The following CDC40 variants were observed in gnomAD, a reference collection of about 807,000 sequenced individuals.
CDC40 encodes the protein pre-mRNA-processing factor 17.
CDC40 carries 27 observed loss-of-function variants against 80.6 expected under a neutral mutation model. The ratio of observed to expected loss-of-function variants is 0.33; its 90% confidence interval spans 0.25 to 0.46. The LOEUF (loss-of-function observed/expected upper bound fraction) is 0.46, where lower values mean the gene tolerates loss of function less well. Ranked by LOEUF, CDC40 falls within the 20% of genes least tolerant of loss-of-function variation. CDC40 has a pLI of 1.00. For missense variants in CDC40, 486 were observed against 694.1 expected (o/e 0.70, Z 3.37); for synonymous variants, 221 against 232.6 (o/e 0.95, Z 0.45).
chr6:110,190,072 A>G (rs544748198), intron 1 of CDC40, among the ~76,000 whole-genome samples: 1 of 152,320 alleles, frequency 6.6e-6, no homozygotes, highest in South Asian at 2.1e-4. Context: ...CCTGCGTTCT[A>G]CTGGGCAGTG....
Position 110,201,648 on chromosome 6 carries a change from T to C in CDC40, c.367T>C (p.Phe123Leu), listed in dbSNP as rs1172812863. The change falls in exon 3 of 15, where the codon TTC (phenylalanine) becomes CTC (leucine). Residue 123 changes from phenylalanine to leucine, a missense_variant. Phe to Leu is a conservative substitution (Grantham distance 22, BLOSUM62 0). Coordinates refer to ENST00000307731, the MANE Select transcript of CDC40 (RefSeq NM_015891.3). Reference protein sequence around the residue: ...GYAEPAHINDFMFEQQRRTFA... With the variant: ...GYAEPAHINDLMFEQQRRTFA... ...TGCCGAACCAGCTCATATCAATGAT[T>C]TCATGTTTGAGCAGCAAAGGAGAAC... 6.2e-7 allele frequency: 1 copy of C among 1,613,426 alleles called. No homozygotes were observed. The highest frequency in any genetic ancestry group is 8.5e-7 in the Non-Finnish European group (1 of 1,179,482).
chr6:110,206,731 T>C (rs1349795485), intron 3 of CDC40, among the ~76,000 whole-genome samples: 1 of 152,258 alleles, frequency 6.6e-6, no homozygotes, highest in Non-Finnish European at 1.5e-5. Context: ...TTATGTAATC[T>C]TCTTACCCTT....
At chr6:110,206,463 C>T (rs1777564409) in intron 3 of CDC40, among the ~76,000 whole-genome samples, 2 of 152,180 alleles carry the variant, frequency 1.3e-5, no homozygotes, top group Non-Finnish European at 2.9e-5. Flanking sequence ...TGTGCTAGCA[C>T]ACCCATTTGA....
At position 110,220,440 on chromosome 6, in the gene CDC40, G is replaced by A. The variant is rs558183187; in HGVS notation, c.1340+571G>A. Among the ~76,000 whole-genome samples the A allele has an allele frequency of 5.8e-5, 8 of 138,288 alleles. No homozygotes were observed. The South Asian group carries it at 1.4e-3, about 24-fold the overall frequency. The allele number at this position is 138,288 out of a possible 152,430, so 90.7% of individuals were successfully genotyped here. On this transcript the variant is annotated intron_variant, in intron 12 of 14. Transcript: ENST00000307731. ...CCACAATCATTGATGAAGGAGAAAG[G>A]CACTTTTTTTTTTTTTTTTTTTTTT... is the stretch of plus-strand genomic sequence containing the variant.
At chr6:110,183,538 G>T (rs1242518277) in intron 1 of CDC40, among the ~76,000 whole-genome samples, 3 of 152,240 alleles carry the variant, frequency 2.0e-5, no homozygotes, top group African/African-American at 7.2e-5. Flanking sequence ...CAGTGGTCTG[G>T]GTTCTATGAG....
intron 8 of CDC40, among the ~76,000 whole-genome samples, chr6:110,213,529 A>G (rs1334464788): frequency 5.3e-5 from 8 of 151,652 alleles, no homozygotes; most frequent in Admixed American, 3.3e-4. Context: ...AGCTAGGACT[A>G]CAGGCACCCA....
chr6:110,180,494 G>T lies in CDC40; in HGVS notation c.50G>T (p.Gly17Val). 6.2e-7 allele frequency: 1 copy of T among 1,614,172 alleles called. No individual in the cohort carries two copies. The highest frequency in any genetic ancestry group is 8.5e-7 in the Non-Finnish European group (1 of 1,180,034). ...ALAASYGSGS[G>V]SESDSDSESS... ...GCCGCTTCCTATGGTTCGGGTTCAG[G>T]GTCCGAATCGGACTCGGACAGTGAG... The change falls in exon 1 of 15, where the codon GGG (glycine) becomes GTG (valine). Residue 17 changes from glycine to valine, a missense_variant. Gly to Val is a moderately radical substitution (Grantham distance 109, BLOSUM62 -3). Coordinates refer to ENST00000307731, the MANE Select transcript of CDC40 (RefSeq NM_015891.3).
rs1462621754 is a variant in CDC40 at position 110,180,533 on chromosome 6, C to T, written c.89C>T (p.Pro30Leu). The T allele has an allele frequency of 1.9e-6, 3 of 1,614,020 alleles. No homozygotes were observed. The African/African-American group carries it at 4.0e-5, about 22-fold the overall frequency. Residue 30 changes from proline to leucine, a missense_variant, in exon 1 of 15, where the codon CCG (proline) becomes CTG (leucine). By Grantham distance (98) the Pro-to-Leu change is moderately conservative. Around this residue, in one of 3 missense-constraint regions of CDC40, gnomAD observed 381 missense variants for 492.1 expected, o/e 0.77. Coordinates refer to ENST00000307731, the MANE Select transcript of CDC40 (RefSeq NM_015891.3). The stretch of plus-strand genomic sequence containing the variant: ...TCGGACAGTGAGAGCAGTCGGTGTC[C>T]GCTGCCAGCCGCCGACTCCCTCATG... ...SDSDSESSRC[P>L]LPAADSLMHL...
In CDC40 at chr6:110,231,038, T is replaced by A. The variant is rs1235687548; in HGVS notation, c.*907T>A. The A allele has an allele frequency of 6.6e-6, 1 of 152,202 alleles. No homozygotes were observed. The highest frequency in any genetic ancestry group is 1.5e-5 in the Non-Finnish European group (1 of 68,038). The allele number at this position is 152,202 out of a possible 1,614,324, so 9.4% of individuals were successfully genotyped here. ...AAGTCATATGTTTTATCTTTAAAATTATTCTTATTTTACCTGTGAATATAT... is the reference window on the plus strand; with the variant it reads ...AAGTCATATGTTTTATCTTTAAAATAATTCTTATTTTACCTGTGAATATAT... On this transcript the variant is annotated 3_prime_UTR_variant, in exon 15 of 15. Transcript: ENST00000307731.
chr6:110,200,493 A>T (rs1448456345), intron 2 of CDC40, among the ~76,000 whole-genome samples: 1 of 152,192 alleles, frequency 6.6e-6, no homozygotes, highest in Non-Finnish European at 1.5e-5. Context: ...CAAAGTGGGA[A>T]GCTCATTTGA....
At chr6:110,206,232 G>A (rs930416899) in intron 3 of CDC40, among the ~76,000 whole-genome samples, 17 of 152,056 alleles carry the variant, frequency 1.1e-4, no homozygotes, top group African/African-American at 2.7e-4. Context: ...ACACCTCCCC[G>A]GTTCACACCA....
At chr6:110,229,859 A>T (rs1554209222) in intron 14 of CDC40, 95 bp from the exon 15 acceptor site, 5 of 698,428 alleles carry the variant, frequency 7.2e-6, no homozygotes, top group African/African-American at 1.8e-5. Context: ...TTTTTTTTTT[A>T]ATGTTAACGT....
chr6:110,229,189 C>T (rs1051668168), intron 14 of CDC40, among the ~76,000 whole-genome samples: 1 of 152,110 alleles, frequency 6.6e-6, no homozygotes, highest in African/African-American at 2.4e-5. Context: ...AGTATATTCC[C>T]TTCTATTACT....
chr6:110,230,055 G>A lies in CDC40; in HGVS notation c.1664G>A (p.Gly555Asp), dbSNP rs200633529. Residue 555 changes from glycine to aspartate, a missense_variant, in exon 15 of 15, where the codon GGT becomes GAT. Gly to Asp is a moderately conservative substitution (Grantham distance 94). Transcript: ENST00000307731. ...AAAGCTCATGATAAAGTGTGTATAGGTGCAGTGTGGCATCCTCATGAAACT... is the reference window on the plus strand; with the variant it reads ...AAAGCTCATGATAAAGTGTGTATAGATGCAGTGTGGCATCCTCATGAAACT... ...RFKAHDKVCI[G>D]AVWHPHETSK... is the part of the protein sequence containing the mutation. 1.2e-6 allele frequency: 2 copies of A among 1,611,822 alleles called. No homozygotes were observed. The highest frequency in any genetic ancestry group is 2.2e-5 in the East Asian group (1 of 44,820).
rs530122660 is a variant in CDC40 at position 110,197,994 on chromosome 6, A to C, written c.277-3564A>C. On this transcript the variant is annotated intron_variant, in intron 2 of 14. Coordinates refer to ENST00000307731, the MANE Select transcript of CDC40 (RefSeq NM_015891.3). The stretch of plus-strand genomic sequence containing the variant: ...CCATACCATTTTCCATAGTGGCTGC[A>C]CTAATTTCCATTCCCACCAACAGTA... 3.7e-4 allele frequency among the ~76,000 whole-genome samples: 56 copies of C among 152,230 alleles called. 1 individual carries two copies. The highest frequency in any genetic ancestry group is 3.2e-3 in the Admixed American group (49 of 15,288).
intron 2 of CDC40, among the ~76,000 whole-genome samples, chr6:110,194,222 A>T (rs957935522): frequency 6.6e-6 from 1 of 152,246 alleles, no homozygotes; most frequent in Non-Finnish European, 1.5e-5. Flanking sequence ...TGAAATAGAG[A>T]TGCCAGAAAA....
chr6:110,212,062 T>C lies in CDC40; in HGVS notation c.728-71T>C, dbSNP rs1777643662. 3 of 1,323,978 alleles carry C rather than the reference T, an allele frequency of 2.3e-6. No individual in the cohort carries two copies. In the African/African-American group the frequency reaches 4.3e-5, roughly 19 times the overall value. 82.0% of individuals were successfully genotyped at this position (1,323,978 alleles called of 1,614,324 possible). The stretch of plus-strand genomic sequence containing the variant: ...TGATATACCTGTGAATAAAATGTTA[T>C]TTTAAGAATGTTAGGTTTCATGACT... On this transcript the variant is annotated intron_variant, in intron 6 of 14. Coordinates refer to ENST00000307731, the MANE Select transcript of CDC40 (RefSeq NM_015891.3).
intron 14 of CDC40, 86 bp from the exon 15 acceptor site, chr6:110,229,868 G>T (rs1284477001): frequency 1.3e-6 from 1 of 775,054 alleles, no homozygotes; most frequent in East Asian, 2.6e-5. Context: ...TAATGTTAAC[G>T]TGAAAAGATA....
intron 10 of CDC40, among the ~76,000 whole-genome samples, chr6:110,218,896 G>T (rs1017669046): frequency 6.1e-5 from 9 of 147,750 alleles, no homozygotes; most frequent in African/African-American, 2.3e-4. Context: ...GAACATTTGC[G>T]GCACTCAGTA....
Sources: allele counts gnomAD v4.1 joint callset (sites outside exome capture counted in the v4.1 genomes callset), GRCh38; gene constraint gnomAD v4.1.1; regional missense constraint gnomAD v4.1.1; transcripts MANE v1.5; gene names NCBI Gene and HGNC (gene_info 2026-07-23, HGNC 2026-07-21).